Variants in KCNQ5 observed in about 807,000 individuals in gnomAD.
KCNQ5 encodes the protein potassium voltage-gated channel subfamily KQT member 5.
A neutral mutation model predicts 98.2 loss-of-function variants in KCNQ5; 30 were observed. The ratio of observed to expected loss-of-function variants is 0.31; its 90% confidence interval spans 0.23 to 0.41. The LOEUF is 0.41. Ranked by LOEUF, KCNQ5 falls within the 10% of genes least tolerant of loss-of-function variation. The pLI is 1.00. For synonymous variants in KCNQ5, 458 were observed against 449.4 expected, an observed-to-expected ratio of 1.02 and a Z score of -0.24; for missense variants, 835 against 1,182.5, an observed-to-expected ratio of 0.71 and a Z score of 4.31.
At chr6:73,098,320 T>G (rs1438309556) in intron 5 of KCNQ5, among the ~76,000 whole-genome samples, 3 of 152,038 alleles carry the variant, frequency 2.0e-5, no homozygotes. Context: ...TTATTGGCCT[T>G]AAAAAGTAGG....
At chr6:73,147,640 T>G (rs1776976584) in intron 10 of KCNQ5, among the ~76,000 whole-genome samples, 1 of 152,190 alleles carries the variant, frequency 6.6e-6, no homozygotes, top group South Asian at 2.1e-4. Context: ...GACAGCACAG[T>G]GCATGGCAAA....
At chr6:72,656,440 C>G (rs915849548) in intron 1 of KCNQ5, among the ~76,000 whole-genome samples, 3 of 152,176 alleles carry the variant, frequency 2.0e-5, no homozygotes, top group Non-Finnish European at 4.4e-5. Flanking sequence ...ATTTAATTTT[C>G]ATGAAGCTCA....
chr6:73,192,534 C>T (rs754684554), intron 12 of KCNQ5, 31 bp from the exon 13 acceptor site: 2 of 1,582,452 alleles, frequency 1.3e-6, no homozygotes, highest in Admixed American at 1.8e-5. Flanking sequence ...ACCTTCAGCC[C>T]TCATAATCAG....
intron 1 of KCNQ5, among the ~76,000 whole-genome samples, chr6:72,922,651 C>A (rs1177795927): frequency 6.6e-6 from 1 of 152,100 alleles, no homozygotes; most frequent in Non-Finnish European, 1.5e-5. Flanking sequence ...AAAGTGAGAT[C>A]ATGCGGTATT....
At chr6:73,063,569 G>C (rs1772879545) in intron 3 of KCNQ5, among the ~76,000 whole-genome samples, 1 of 151,958 alleles carries the variant, frequency 6.6e-6, no homozygotes, top group African/African-American at 2.4e-5. Flanking sequence ...ATTTTGGTAA[G>C]GATTTTATAA....
chr6:73,137,341 A>T (rs1016890843), intron 10 of KCNQ5, among the ~76,000 whole-genome samples: 10 of 152,216 alleles, frequency 6.6e-5, no homozygotes, highest in Admixed American at 6.5e-4. Context: ...AGAAAGTAGC[A>T]GGCAGATGCT....
At chr6:72,915,066 A>G (rs910079019) in intron 1 of KCNQ5, among the ~76,000 whole-genome samples, 2 of 152,244 alleles carry the variant, frequency 1.3e-5, no homozygotes, top group African/African-American at 4.8e-5. Flanking sequence ...TAGAACTGTT[A>G]ATTTAAAAAA....
chr6:72,833,322 A>T (rs893344900), intron 1 of KCNQ5, among the ~76,000 whole-genome samples: 1 of 152,168 alleles, frequency 6.6e-6, no homozygotes. Flanking sequence ...AGTAAGCTAA[A>T]TTATTAGCCA....
At chr6:72,943,132 C>T (rs532069164) in intron 1 of KCNQ5, among the ~76,000 whole-genome samples, 1 of 152,290 alleles carries the variant, frequency 6.6e-6, no homozygotes, top group East Asian at 1.9e-4. Flanking sequence ...GTTATTTTCT[C>T]ACCCTTTTTT....
chr6:72,776,092 A>G (rs1363670291), intron 1 of KCNQ5, among the ~76,000 whole-genome samples: 2 of 152,212 alleles, frequency 1.3e-5, no homozygotes, highest in African/African-American at 4.8e-5. Flanking sequence ...TTTCTGTACT[A>G]TCTTTGCAAG....
chr6:72,994,584 G>A (rs1028843431), intron 1 of KCNQ5, among the ~76,000 whole-genome samples: 25 of 149,686 alleles, frequency 1.7e-4, no homozygotes, highest in Non-Finnish European at 3.0e-5. Context: ...AGATGAACCC[G>A]GTACCTCAGA....
chr6:73,156,145 G>C (rs960846087), intron 10 of KCNQ5, among the ~76,000 whole-genome samples: 3 of 152,198 alleles, frequency 2.0e-5, no homozygotes, highest in South Asian at 2.1e-4. Context: ...AATGATAGCA[G>C]AGGGTGGCAG....
At chr6:72,624,874 A>AT (rs2098917279) in intron 1 of KCNQ5, among the ~76,000 whole-genome samples, 2 of 152,204 alleles carry the variant, frequency 1.3e-5, no homozygotes, top group Non-Finnish European at 2.9e-5. Flanking sequence ...GCTGCTTGTG[A>AT]TTTTAAATGA....
intron 5 of KCNQ5, among the ~76,000 whole-genome samples, chr6:73,081,297 G>A (rs1428767460): frequency 1.3e-5 from 2 of 151,992 alleles, no homozygotes; most frequent in East Asian, 1.9e-4. Flanking sequence ...CTGGAAAAGG[G>A]GATCTTCTGA....
intron 3 of KCNQ5, 166 bp downstream of exon 3, chr6:73,042,228 C>A: frequency 1.4e-6 from 1 of 740,284 alleles, no homozygotes; most frequent in South Asian, 1.6e-5. Flanking sequence ...GATGTTGTCT[C>A]CACAGCATTA....
chr6:73,109,370 T>C (rs531084385), intron 6 of KCNQ5, among the ~76,000 whole-genome samples: 1 of 152,330 alleles, frequency 6.6e-6, no homozygotes, highest in African/African-American at 2.4e-5. Context: ...TAATTCAATG[T>C]CTGCAAAATC....
intron 1 of KCNQ5, among the ~76,000 whole-genome samples, chr6:72,704,644 A>G (rs1768984720): frequency 6.6e-6 from 1 of 151,914 alleles, no homozygotes; most frequent in Non-Finnish European, 1.5e-5. Context: ...TGATAAAAAA[A>G]AAAGTTACTT....
intron 2 of KCNQ5, among the ~76,000 whole-genome samples, chr6:73,019,528 C>A (rs1284896432): frequency 1.3e-5 from 2 of 152,066 alleles, no homozygotes; most frequent in Non-Finnish European, 2.9e-5. Flanking sequence ...ATCCTTAGGT[C>A]CCATAAATCA....
intron 7 of KCNQ5, among the ~76,000 whole-genome samples, chr6:73,116,099 A>G (rs543104690): frequency 1.3e-5 from 2 of 152,308 alleles, no homozygotes; most frequent in South Asian, 4.1e-4. Context: ...AAATAGGGCA[A>G]TTATAACTCC....
Sources: gnomAD v4.1 joint callset for allele counts (sites outside exome capture counted in the v4.1 genomes callset) on GRCh38, gnomAD v4.1.1 for gene constraint, MANE v1.5 for transcripts, NCBI Gene and HGNC (gene_info 2026-07-23, HGNC 2026-07-21) for gene names.